The following CNTNAP2 variants were observed in gnomAD, a reference collection of about 807,000 sequenced individuals.
CNTNAP2 encodes the protein contactin-associated protein-like 2.
A neutral mutation model predicts 155.2 loss-of-function variants in CNTNAP2; 98 were observed. The observed-to-expected ratio is 0.63, with a 90% CI of 0.54 to 0.75. CNTNAP2 has a LOEUF of 0.75. Among genes scored for constraint, CNTNAP2 ranks in the 30% least tolerant of loss-of-function variants. The pLI, the probability that CNTNAP2 is intolerant of heterozygous loss-of-function variation, is 0.00. For missense variants in CNTNAP2, 1,727 were observed against 1,688.1 expected (o/e 1.02, Z -0.40); for synonymous variants, 651 against 631.2 (o/e 1.03, Z -0.47).
intron 13 of CNTNAP2, among the ~76,000 whole-genome samples, chr7:147,802,762 T>G (rs1334940991): frequency 2.2e-5 from 2 of 90,758 alleles, no homozygotes; most frequent in East Asian, 2.8e-4. Flanking sequence ...AGAGGGAGAC[T>G]GTGGAAAGGG....
intron 11 of CNTNAP2, among the ~76,000 whole-genome samples, chr7:147,489,475 A>G (rs2116645319): frequency 6.6e-6 from 1 of 152,306 alleles, no homozygotes; most frequent in African/African-American, 2.4e-5. Flanking sequence ...CAGGCATTCC[A>G]CTCTCCATAA....
intron 9 of CNTNAP2, among the ~76,000 whole-genome samples, chr7:147,323,729 A>T (rs1486122654): frequency 3.3e-5 from 5 of 152,202 alleles, no homozygotes; most frequent in African/African-American, 1.2e-4. Context: ...CAAGTTTTCA[A>T]TTATCCATCA....
At chr7:146,214,647 A>G (rs943662657) in intron 1 of CNTNAP2, among the ~76,000 whole-genome samples, 1 of 152,210 alleles carries the variant, frequency 6.6e-6, no homozygotes, top group African/African-American at 2.4e-5. Flanking sequence ...ATGAGTCATT[A>G]AATGTATTGC....
At chr7:147,392,352 T>G (rs1303717141) in intron 9 of CNTNAP2, among the ~76,000 whole-genome samples, 1 of 151,964 alleles carries the variant, frequency 6.6e-6, no homozygotes, top group Non-Finnish European at 1.5e-5. Flanking sequence ...TTCTATTTTA[T>G]TTTATTTTTA....
At chr7:147,553,022 T>G (rs1015884874) in intron 11 of CNTNAP2, among the ~76,000 whole-genome samples, 1 of 151,850 alleles carries the variant, frequency 6.6e-6, no homozygotes, top group Admixed American at 6.6e-5. Context: ...CCATGAGGAG[T>G]CAGCCAACAA....
intron 9 of CNTNAP2, among the ~76,000 whole-genome samples, chr7:147,365,439 G>A (rs556848268): frequency 1.1e-3 from 157 of 138,364 alleles, no homozygotes; most frequent in African/African-American, 4.0e-3. Flanking sequence ...GAAATATAAA[G>A]TCGTTCCTAT....
Position 147,064,829 on chromosome 7 carries a change from C to T in CNTNAP2, c.550+20775C>T, listed in dbSNP as rs746261503. ...TGTTAAAATCTTCCCAGTTGGCTGA[C>T]CTTGTTTCAGTCCAGAAAGACACAG... On this transcript the variant is annotated intron_variant, in intron 4 of 23. Transcript: ENST00000361727. Among the ~76,000 whole-genome samples the T allele has an allele frequency of 5.3e-5, 8 of 152,238 alleles. 1 individual carries two copies. The South Asian group carries it at 1.4e-3, about 28-fold the overall frequency.
chr7:148,077,814 A>G (rs911010988), intron 15 of CNTNAP2, among the ~76,000 whole-genome samples: 1 of 152,218 alleles, frequency 6.6e-6, no homozygotes, highest in Non-Finnish European at 1.5e-5. Context: ...CATACATACA[A>G]GTTACCAATT....
intron 1 of CNTNAP2, among the ~76,000 whole-genome samples, chr7:146,643,988 T>C (rs1258563761): frequency 1.3e-5 from 2 of 152,194 alleles, no homozygotes; most frequent in African/African-American, 2.4e-5. Context: ...ATAAGAAAGC[T>C]TGTGATTTTT....
At chr7:146,379,181 G>A (rs1795347021) in intron 1 of CNTNAP2, among the ~76,000 whole-genome samples, 1 of 152,172 alleles carries the variant, frequency 6.6e-6, no homozygotes, top group African/African-American at 2.4e-5. Flanking sequence ...CAGAATGGGT[G>A]CCTCTTTCCT....
intron 9 of CNTNAP2, among the ~76,000 whole-genome samples, chr7:147,307,290 A>C (rs1458195572): frequency 6.6e-6 from 1 of 152,214 alleles, no homozygotes; most frequent in Admixed American, 6.5e-5. Flanking sequence ...TCTTCTCATA[A>C]GAAATGCCTT....
At chr7:147,839,000 G>A (rs980160834) in intron 13 of CNTNAP2, among the ~76,000 whole-genome samples, 11 of 152,100 alleles carry the variant, frequency 7.2e-5, no homozygotes, top group Non-Finnish European at 1.6e-4. Context: ...CCCACAATAG[G>A]CCACCTGCAA....
At chr7:146,117,165 G>A in intron 1 of CNTNAP2, 192 bp downstream of exon 1, 1 of 593,258 alleles carries the variant, frequency 1.7e-6, no homozygotes, top group Non-Finnish European at 3.0e-6. Context: ...AAGAGACAGG[G>A]TTGTGACGCT....
intron 13 of CNTNAP2, among the ~76,000 whole-genome samples, chr7:147,654,808 C>CTTTTTTTTTTTTTTTTTT (rs1186575442): frequency 1.0e-5 from 1 of 97,342 alleles, no homozygotes; most frequent in Non-Finnish European, 1.9e-5. Flanking sequence ...AAATATATTT[C>CTTTTTTTTTTTTTTTTTT]TTTTTTTTTT....
At chr7:147,397,289 A>G (rs1796835060) in intron 10 of CNTNAP2, among the ~76,000 whole-genome samples, 1 of 152,096 alleles carries the variant, frequency 6.6e-6, no homozygotes, top group Admixed American at 6.6e-5. Context: ...TTCTGCCTAG[A>G]GCAAGTAGCA....
At chr7:146,564,014 A>G (rs1798319899) in intron 1 of CNTNAP2, among the ~76,000 whole-genome samples, 2 of 152,118 alleles carry the variant, frequency 1.3e-5, no homozygotes, top group South Asian at 4.2e-4. Context: ...TAAGTCAAAT[A>G]CCCATATTCT....
chr7:148,088,182 C>T (rs955096409), intron 15 of CNTNAP2, among the ~76,000 whole-genome samples: 1 of 151,954 alleles, frequency 6.6e-6, no homozygotes, highest in Admixed American at 6.6e-5. Flanking sequence ...TTTCCCACCT[C>T]CAATGAATTA....
intron 1 of CNTNAP2, among the ~76,000 whole-genome samples, chr7:146,484,025 A>G (rs766399116): frequency 6.6e-6 from 1 of 152,204 alleles, no homozygotes; most frequent in East Asian, 1.9e-4. Context: ...TAGTAAGTGC[A>G]CTATACAAGT....
intron 9 of CNTNAP2, among the ~76,000 whole-genome samples, chr7:147,382,490 T>C (rs1796552661): frequency 1.3e-5 from 2 of 152,200 alleles, no homozygotes; most frequent in Admixed American, 6.5e-5. Context: ...CTAAGACTTT[T>C]TGAGTGACCA....
Sources: gnomAD v4.1 joint callset for allele counts (sites outside exome capture counted in the v4.1 genomes callset) on GRCh38, gnomAD v4.1.1 for gene constraint, MANE v1.5 for transcripts, NCBI Gene and HGNC (gene_info 2026-07-23, HGNC 2026-07-21) for gene names.